Variants in LINGO2 observed in about 807,000 individuals in gnomAD.
The protein encoded by LINGO2 is leucine-rich repeat and immunoglobulin-like domain-containing nogo receptor-interacting protein 2.
A neutral mutation model predicts 30.6 loss-of-function variants in LINGO2; 14 were observed. The observed-to-expected ratio is 0.46, with a 90% CI of 0.30 to 0.72. LINGO2 has a LOEUF of 0.72. Ranked by LOEUF, LINGO2 falls within the 30% of genes least tolerant of loss-of-function variation. The pLI, the probability that LINGO2 is intolerant of heterozygous loss-of-function variation, is 0.07. For missense variants in LINGO2, 729 were observed against 751.7 expected (o/e 0.97, Z 0.35); for synonymous variants, 317 against 288.5 (o/e 1.10, Z -1.00).
At position 28,607,135 on chromosome 9, in the gene LINGO2, A is replaced by C. The variant is rs75206623; in HGVS notation, c.-365+63065T>G. ...CAATGCTTCTCAAAGAGGACTAAGT[A>C]CACAATGATCCATTGGTGACCAGAA... On this transcript the variant is annotated intron_variant, in intron 1 of 5. Coordinates refer to ENST00000379992, the Ensembl canonical transcript of LINGO2. Among the ~76,000 whole-genome samples the C allele has an allele frequency of 7.2e-5, 11 of 152,172 alleles. No individual in the cohort carries two copies. In the East Asian group the frequency reaches 2.1e-3, roughly 29 times the overall value.
the LINGO2 span, among the ~76,000 whole-genome samples, chr9:28,815,916 C>T: frequency 5.3e-5 from 8 of 152,154 alleles, no homozygotes; most frequent in Admixed American, 2.0e-4. Context: ...CGGAATACCA[C>T]GGGCTGGGTG....
intron 4 of LINGO2, among the ~76,000 whole-genome samples, chr9:28,224,677 T>C (rs903280939): frequency 3.3e-5 from 5 of 152,182 alleles, no homozygotes; most frequent in African/African-American, 1.2e-4. Flanking sequence ...CTTCCTGGCC[T>C]CTGATAACCA....
chr9:28,669,272 C>A (rs1185214063), intron 1 of LINGO2, among the ~76,000 whole-genome samples: 1 of 152,090 alleles, frequency 6.6e-6, no homozygotes, highest in African/African-American at 2.4e-5. Context: ...GTGGACTTGG[C>A]TGAAAGCAAG....
At chr9:28,579,837 G>A (rs1358515134) in intron 1 of LINGO2, among the ~76,000 whole-genome samples, 1 of 152,032 alleles carries the variant, frequency 6.6e-6, no homozygotes, top group African/African-American at 2.4e-5. Flanking sequence ...TATAGCGGGA[G>A]AACAACAGTC....
At chr9:28,563,178 G>A (rs890881917) in intron 1 of LINGO2, among the ~76,000 whole-genome samples, 1 of 152,028 alleles carries the variant, frequency 6.6e-6, no homozygotes, top group Non-Finnish European at 1.5e-5. Flanking sequence ...TTTTATAGAT[G>A]AGGGAACTAA....
intron 2 of LINGO2, among the ~76,000 whole-genome samples, chr9:28,373,754 G>C (rs1820995397): frequency 6.6e-6 from 1 of 152,070 alleles, no homozygotes; most frequent in East Asian, 1.9e-4. Context: ...ACAAAAATTA[G>C]TTGGGCATGG....
intron 1 of LINGO2, among the ~76,000 whole-genome samples, chr9:28,592,831 G>A (rs915339828): frequency 2.6e-5 from 4 of 151,982 alleles, no homozygotes; most frequent in Non-Finnish European, 5.9e-5. Flanking sequence ...AGGAATATTG[G>A]ATTTCAAAAT....
the LINGO2 span, among the ~76,000 whole-genome samples, chr9:28,731,797 C>T: frequency 6.6e-6 from 1 of 151,896 alleles, no homozygotes; most frequent in South Asian, 2.1e-4. Flanking sequence ...ATGAAAATAT[C>T]CTGTGATACT....
intron 4 of LINGO2, among the ~76,000 whole-genome samples, chr9:28,025,012 A>C (rs1255047435): frequency 1.3e-5 from 2 of 152,190 alleles, no homozygotes; most frequent in African/African-American, 4.8e-5. Flanking sequence ...ATTATGGCTC[A>C]AAGGCAGTAA....
chr9:28,875,048 T>C, the LINGO2 span, among the ~76,000 whole-genome samples: 1 of 152,106 alleles, frequency 6.6e-6, no homozygotes, highest in Non-Finnish European at 1.5e-5. Flanking sequence ...AACTACTGAT[T>C]TGACACAGCT....
the LINGO2 span, among the ~76,000 whole-genome samples, chr9:28,942,702 C>T: frequency 1.3e-5 from 2 of 152,240 alleles, no homozygotes; most frequent in Non-Finnish European, 2.9e-5. Context: ...AAGTTTTATG[C>T]TATTACTGTA....
chr9:28,837,922 A>G, the LINGO2 span, among the ~76,000 whole-genome samples: 2 of 151,890 alleles, frequency 1.3e-5, no homozygotes, highest in African/African-American at 4.8e-5. Flanking sequence ...TTTATATGCT[A>G]TTAGAAGTCC....
At chr9:28,753,817 A>T in the LINGO2 span, among the ~76,000 whole-genome samples, 1 of 152,010 alleles carries the variant, frequency 6.6e-6, no homozygotes, top group Admixed American at 6.6e-5. Context: ...TGAGGAAAAG[A>T]ATACTCCATG....
intron 1 of LINGO2, among the ~76,000 whole-genome samples, chr9:28,509,475 T>G (rs1378889490): frequency 6.6e-6 from 1 of 152,228 alleles, no homozygotes; most frequent in Non-Finnish European, 1.5e-5. Context: ...TTACAATCAT[T>G]GTCTCCACTA....
At chr9:28,651,648 A>G (rs925282648) in intron 1 of LINGO2, among the ~76,000 whole-genome samples, 1 of 151,938 alleles carries the variant, frequency 6.6e-6, no homozygotes, top group Non-Finnish European at 1.5e-5. Context: ...GTATTAATGT[A>G]CTATGTTTTA....
chr9:28,959,151 T>G, the LINGO2 span, among the ~76,000 whole-genome samples: 25 of 152,240 alleles, frequency 1.6e-4, no homozygotes, highest in Middle Eastern at 3.4e-3. Flanking sequence ...CTGAGTTGGT[T>G]TGTTGTACAG....
intron 1 of LINGO2, among the ~76,000 whole-genome samples, chr9:28,640,277 G>A (rs571100865): frequency 3.9e-5 from 6 of 152,066 alleles, no homozygotes; most frequent in Admixed American, 2.6e-4. Context: ...TTCAACTTTG[G>A]TGAATCTGAC....
At chr9:28,813,858 G>T in the LINGO2 span, among the ~76,000 whole-genome samples, 1 of 152,118 alleles carries the variant, frequency 6.6e-6, no homozygotes, top group African/African-American at 2.4e-5. Context: ...TTTCCTTTAA[G>T]GAGAACAAAA....
chr9:28,275,933 A>G (rs549766849), intron 4 of LINGO2, among the ~76,000 whole-genome samples: 6 of 152,186 alleles, frequency 3.9e-5, no homozygotes, highest in Non-Finnish European at 7.4e-5. Flanking sequence ...TGAAACCACA[A>G]TCATTTGATC....
Sources: gnomAD v4.1 joint callset for allele counts (sites outside exome capture counted in the v4.1 genomes callset) on GRCh38, gnomAD v4.1.1 for gene constraint, MANE v1.5 for transcripts, NCBI Gene and HGNC (gene_info 2026-07-23, HGNC 2026-07-21) for gene names.